The following CCNE2 variants were observed in gnomAD, a reference collection of about 807,000 sequenced individuals.
CCNE2 encodes the protein G1/S-specific cyclin-E2.
In CCNE2, 18 loss-of-function variants were observed where a neutral mutation model predicts 56.8. That is an observed-to-expected ratio of 0.32 (90% confidence interval 0.22 to 0.47). The LOEUF is 0.47. CCNE2 is among the 20% of genes least tolerant of loss of function. The probability of loss-of-function intolerance (pLI) is 1.00; values close to 1 mark genes in which losing one functional copy is unlikely to be tolerated. For synonymous variants in CCNE2, 139 were observed against 149.2 expected, an observed-to-expected ratio of 0.93 and a Z score of 0.50; for missense variants, 371 against 467.1, an observed-to-expected ratio of 0.79 and a Z score of 1.90.
chr8:94,889,658 A>G (rs577086874), intron 6 of CCNE2, among the ~76,000 whole-genome samples: 2 of 152,342 alleles, frequency 1.3e-5, no homozygotes, highest in Non-Finnish European at 2.9e-5. Context: ...CAAAAAGTCT[A>G]TGGTCTTTTT....
At chr8:94,895,053 C>A (rs890130288) in intron 1 of CCNE2, 124 bp downstream of exon 1, 19 of 409,264 alleles carry the variant, frequency 4.6e-5, no homozygotes, top group Non-Finnish European at 6.3e-5. Flanking sequence ...GAACCCATGA[C>A]CCCCAGTCGT....
chr8:94,890,587 ATATAT>A, intron 5 of CCNE2, 37 bp from the exon 6 acceptor site: 2 of 562,048 alleles, frequency 3.6e-6, no homozygotes, highest in African/African-American at 4.0e-5. Flanking sequence ...ATATATATAT[ATATAT>A]TTTTTTTTTT....
chr8:94,884,066 T>C (rs192317594), intron 9 of CCNE2: 1 of 304,036 alleles, frequency 3.3e-6, no homozygotes, highest in East Asian at 7.7e-5. Flanking sequence ...GATGAAAAAA[T>C]TAAGCTTTTA....
intron 5 of CCNE2, 23 bp from the exon 6 acceptor site, chr8:94,890,573 C>CA: frequency 1.0e-6 from 1 of 973,726 alleles, no homozygotes; most frequent in Non-Finnish European, 1.4e-6. Context: ...AGGAAAAAAA[C>CA]CATATATATA....
intron 9 of CCNE2, chr8:94,883,719 TAGA>T (rs1816921626): frequency 3.3e-6 from 1 of 298,844 alleles, no homozygotes; most frequent in African/African-American, 2.1e-5. Context: ...GCAGACAGAC[TAGA>T]AGAAAACATG....
chr8:94,886,513 C>A (rs771668626), intron 7 of CCNE2, among the ~76,000 whole-genome samples: 2 of 152,086 alleles, frequency 1.3e-5, no homozygotes, highest in African/African-American at 4.8e-5. Context: ...TTAAGACCAG[C>A]GTGAGCAACA....
At chr8:94,895,213 G>GCGCCAA, upstream of CCNE2, 2 of 985,760 alleles carry the variant, frequency 2.0e-6, no homozygotes, top group Non-Finnish European at 2.4e-6. Flanking sequence ...GCTGGCGCCG[G>GCGCCAA]CGCCAACCCA....
At chr8:94,889,997 G>T (rs1261961687) in intron 6 of CCNE2, among the ~76,000 whole-genome samples, 1 of 152,176 alleles carries the variant, frequency 6.6e-6, no homozygotes, top group Admixed American at 6.5e-5. Flanking sequence ...TATGGTTTAG[G>T]ATATAGAAAT....
At position 94,888,058 on chromosome 8, in the gene CCNE2, T is replaced by G; in HGVS notation, c.469A>C (p.Thr157Pro). The change falls in exon 7 of 12, where the codon ACA becomes CCA. Residue 157 changes from threonine (T) to proline (P), a missense_variant. Transcript: ENST00000308108. ...AGATAAAATGTTTCCCTATGAAGTG[T>G]GTATACTTCACATACCTAGAGAAGA... ...DWLLEVCEVY[T>P]LHRETFYLAQ... is the part of the protein sequence containing the mutation. The G allele has an allele frequency of 6.4e-7, 1 of 1,567,514 alleles. No homozygotes were observed. Among genetic ancestry groups the G allele is most frequent in the Non-Finnish European group, 8.6e-7 (1 of 1,159,362 alleles).
chr8:94,894,519 T>C, intron 1 of CCNE2: 1 of 434,122 alleles, frequency 2.3e-6, no homozygotes, highest in Non-Finnish European at 4.2e-6. Context: ...GGGAGGCACA[T>C]CTTCCTCAAA....
intron 6 of CCNE2, among the ~76,000 whole-genome samples, 172 bp downstream of exon 6, chr8:94,890,243 T>A (rs1817179888): frequency 2.0e-5 from 3 of 152,226 alleles, no homozygotes; most frequent in South Asian, 4.1e-4. Context: ...ATGGTTTTAC[T>A]CTTATAGAGT....
rs1011032513 is a variant in CCNE2, at chr8:94,895,169, C to T, written c.-27+8G>A. On this transcript the variant is annotated splice_region_variant and intron_variant, in intron 1 of 11. Transcript: ENST00000308108. ...CCCACATCCCCCCTACGCGCAGCAA[C>T]TCCTCACCGCCAGACCAGCTACCGC... 3.2e-5 allele frequency: 32 copies of T among 985,722 alleles called. No homozygotes were observed. Among genetic ancestry groups the T allele is most frequent in the Non-Finnish European group, 3.6e-5 (30 of 830,280 alleles). 61.1% of individuals were successfully genotyped at this position (985,722 alleles called of 1,614,324 possible).
intron 6 of CCNE2, among the ~76,000 whole-genome samples, chr8:94,889,771 T>G (rs1817162997): frequency 6.6e-6 from 1 of 152,210 alleles, no homozygotes; most frequent in South Asian, 2.1e-4. Context: ...AATGATTTCC[T>G]TAATAATAAT....
chr8:94,890,562 G>C lies in CCNE2; in HGVS notation c.318-12C>G. On this transcript the variant is annotated splice_polypyrimidine_tract_variant and intron_variant, in intron 5 of 11. Coordinates refer to ENST00000308108, the MANE Select transcript of CCNE2 (RefSeq NM_057749.3). ...TTGAACATCCCCAGCTATGGAAAGA[G>C]AGGAAAAAAACCATATATATATATA... is the stretch of plus-strand genomic sequence containing the variant. 2 of 1,359,970 alleles carry C rather than the reference G, an allele frequency of 1.5e-6. No individual in the cohort carries two copies. The highest frequency in any genetic ancestry group is 2.0e-6 in the Non-Finnish European group (2 of 1,006,000). The allele number at this position is 1,359,970 out of a possible 1,614,324, so 84.2% of individuals were successfully genotyped here. A position where few individuals can be genotyped will look rare whatever the true frequency, so the allele number is the denominator to read the frequency against.
intron 9 of CCNE2, among the ~76,000 whole-genome samples, chr8:94,884,174 A>G (rs1304363973): frequency 1.3e-5 from 2 of 152,196 alleles, no homozygotes; most frequent in Non-Finnish European, 2.9e-5. Flanking sequence ...CTGCCCACAA[A>G]TTTTAACCTA....
chr8:94,881,429 GTTTC>G lies in CCNE2; in HGVS notation c.*199_*202del. 1 of 557,562 alleles carries G rather than the reference GTTTC, an allele frequency of 1.8e-6. No individual in the cohort carries two copies. The highest frequency in any genetic ancestry group is 3.1e-6 in the Non-Finnish European group (1 of 321,870). The allele number at this position is 557,562 out of a possible 1,614,324, so 34.5% of individuals were successfully genotyped here. On this transcript the variant is annotated 3_prime_UTR_variant, in exon 12 of 12. Coordinates refer to ENST00000308108, the MANE Select transcript of CCNE2 (RefSeq NM_057749.3). ...GACATCTTTGTAAACAAGTCCTGCTGTTTCTTTAACAGCTAACATAGGAAATAAT... is the reference window on the plus strand; with the variant it reads ...GACATCTTTGTAAACAAGTCCTGCTGTTTAACAGCTAACATAGGAAATAAT...
At chr8:94,888,244 T>C (rs1478388508) in intron 6 of CCNE2, among the ~76,000 whole-genome samples, 171 bp from the exon 7 acceptor site, 1 of 152,228 alleles carries the variant, frequency 6.6e-6, no homozygotes, top group East Asian at 1.9e-4. Context: ...ACAAATCTAT[T>C]ACTATGCACA....
Position 94,881,671 on chromosome 8 carries a change from T to G in CCNE2, c.1176A>C (p.Thr392=). ...LSPVCNGGIM[T]PPKSTEKPPG... is the part of the protein sequence containing the mutation. Reference sequence around the variant, plus strand: ...GTGGTTTTTCAGTGCTCTTCGGTGGTGTCATAATGCCTCCATTGCACACTG... The same window carrying G: ...GTGGTTTTTCAGTGCTCTTCGGTGGGGTCATAATGCCTCCATTGCACACTG... The change falls in exon 12 of 12, where the codon ACA becomes ACC. Residue 392 remains threonine, a synonymous_variant. Coordinates refer to ENST00000308108, the MANE Select transcript of CCNE2 (RefSeq NM_057749.3). 1 of 1,613,860 alleles carries G rather than the reference T, an allele frequency of 6.2e-7. No homozygotes were observed. Among genetic ancestry groups the G allele is most frequent in the South Asian group, 1.1e-5 (1 of 91,074 alleles).
At position 94,885,727 on chromosome 8, in the gene CCNE2, C is replaced by CTTTTTTT. The variant is rs747420459; in HGVS notation, c.601-176_601-170dup. On this transcript the variant is annotated intron_variant, in intron 7 of 11. Transcript: ENST00000308108. ...CAAAGACAAAAAGTACATTTTCTTT[C>CTTTTTTT]TTTTTTTTTTTTTTTTTTTTTGAGG... Among the ~76,000 whole-genome samples, 3 of 114,146 alleles carry CTTTTTTT rather than the reference C, an allele frequency of 2.6e-5. 1 individual carries two copies. Among genetic ancestry groups the CTTTTTTT allele is most frequent in the Non-Finnish European group, 3.6e-5 (2 of 55,406 alleles). The allele number at this position is 114,146 out of a possible 152,430, so 74.9% of individuals were successfully genotyped here. A position where few individuals can be genotyped will look rare whatever the true frequency, so the allele number is the denominator to read the frequency against.
Sources: gnomAD v4.1 joint callset for allele counts (sites outside exome capture counted in the v4.1 genomes callset) on GRCh38, gnomAD v4.1.1 for gene constraint, MANE v1.5 for transcripts, NCBI Gene and HGNC (gene_info 2026-07-23, HGNC 2026-07-21) for gene names.